Variants in TMEM266 observed in about 807,000 individuals in gnomAD.
TMEM266 encodes the protein Hv1 related protein 1.
Under a neutral mutation model 50.5 loss-of-function variants are expected in TMEM266, and 33 were observed. The observed-to-expected ratio is 0.65, with a 90% CI of 0.50 to 0.87. TMEM266 has a LOEUF of 0.87. TMEM266 is among the 40% of genes least tolerant of loss of function. The pLI, the probability that TMEM266 is intolerant of heterozygous loss-of-function variation, is 0.00. For synonymous variants in TMEM266, 310 were observed against 292.3 expected (o/e 1.06, Z -0.62); for missense variants, 655 against 695.1 (o/e 0.94, Z 0.65).
chr15:76,071,560 T>C (rs1419205349), intron 1 of TMEM266, among the ~76,000 whole-genome samples: 1 of 152,204 alleles, frequency 6.6e-6, no homozygotes, highest in East Asian at 1.9e-4. Context: ...TCACACCCTA[T>C]GGAGATTCTC....
At position 76,064,218 on chromosome 15, in the gene TMEM266, G is replaced by A. The variant is rs190375552; in HGVS notation, c.-97+4202G>A. On this transcript the variant is annotated intron_variant, in intron 1 of 10. Coordinates refer to ENST00000388942, the MANE Select transcript of TMEM266 (RefSeq NM_152335.3). ...TTTTTACACAGACAGGTGAATCCTT[G>A]CACTGCCTGCATTATTAGCCTGTTG... Among the ~76,000 whole-genome samples the A allele has an allele frequency of 1.4e-4, 22 of 152,262 alleles. 1 individual carries two copies. The highest frequency in any genetic ancestry group is 1.3e-3 in the Admixed American group (20 of 15,294).
chr15:76,069,437 C>G (rs1231543960), intron 1 of TMEM266, among the ~76,000 whole-genome samples: 2 of 152,126 alleles, frequency 1.3e-5, no homozygotes, highest in African/African-American at 4.8e-5. Flanking sequence ...GAGGAATGTT[C>G]CTCTTAAAGA....
At chr15:76,106,796 C>A (rs1039136251) in intron 1 of TMEM266, among the ~76,000 whole-genome samples, 24 of 152,178 alleles carry the variant, frequency 1.6e-4, no homozygotes, top group Admixed American at 1.6e-3. Context: ...CTAGATCAAG[C>A]TAATTATCAT....
intron 7 of TMEM266, 74 bp downstream of exon 7, chr15:76,171,205 G>A (rs1283629374): frequency 5.7e-5 from 90 of 1,566,012 alleles, no homozygotes; most frequent in Middle Eastern, 1.7e-4. Context: ...AGGAGATGCC[G>A]TGTGATGGGG....
chr15:76,203,672 C>G (rs760434972), intron 10 of TMEM266, 69 bp from the exon 11 acceptor site: 4 of 1,477,110 alleles, frequency 2.7e-6, no homozygotes, highest in African/African-American at 2.8e-5. Flanking sequence ...CGGCTCAGAC[C>G]TGCTCTCTTC....
intron 1 of TMEM266, among the ~76,000 whole-genome samples, chr15:76,130,392 T>A (rs1300133471): frequency 2.0e-5 from 3 of 149,372 alleles, no homozygotes; most frequent in East Asian, 4.1e-4. Context: ...ATAAAAAAAA[T>A]TAGCTGGGCA....
At chr15:76,108,879 C>T (rs567943198) in intron 1 of TMEM266, among the ~76,000 whole-genome samples, 25 of 152,254 alleles carry the variant, frequency 1.6e-4, no homozygotes, top group Admixed American at 5.9e-4. Context: ...TACAAGTCTC[C>T]TAAGTAATAA....
intron 1 of TMEM266, among the ~76,000 whole-genome samples, chr15:76,089,545 G>A (rs1223697121): frequency 6.6e-6 from 1 of 152,112 alleles, no homozygotes; most frequent in African/African-American, 2.4e-5. Context: ...AGGGTGAGAG[G>A]GAAGGCTGGA....
At chr15:76,172,980 C>T (rs1420823156) in intron 7 of TMEM266, among the ~76,000 whole-genome samples, 6 of 152,192 alleles carry the variant, frequency 3.9e-5, no homozygotes, top group Admixed American at 6.5e-5. Flanking sequence ...CCAGCTGTCC[C>T]GCCCTTTTCC....
intron 2 of TMEM266, among the ~76,000 whole-genome samples, chr15:76,135,739 C>T (rs1191018904): frequency 6.6e-6 from 1 of 152,066 alleles, no homozygotes; most frequent in African/African-American, 2.4e-5. Flanking sequence ...CTGTGCTTGA[C>T]AGGTAGCAAA....
chr15:76,180,607 C>CCTT (rs772297807), intron 8 of TMEM266, among the ~76,000 whole-genome samples: 49 of 63,174 alleles, frequency 7.8e-4, no homozygotes, highest in South Asian at 2.7e-3. Context: ...TCATCTTAAG[C>CCTT]TTTTTTTTTT....
intron 1 of TMEM266, among the ~76,000 whole-genome samples, chr15:76,090,169 T>C (rs1258224401): frequency 2.0e-5 from 3 of 152,042 alleles, no homozygotes; most frequent in Non-Finnish European, 4.4e-5. Context: ...TGGGTAGAGA[T>C]GGGACATCAG....
chr15:76,172,351 C>T (rs2038199341), intron 7 of TMEM266, among the ~76,000 whole-genome samples: 1 of 152,214 alleles, frequency 6.6e-6, no homozygotes, highest in Admixed American at 6.5e-5. Context: ...CCTTCTGGAG[C>T]ACGGTTTTAA....
Position 76,154,908 on chromosome 15 carries a change from A to G in TMEM266, c.228-1696A>G, listed in dbSNP as rs2037901741. Among the ~76,000 whole-genome samples the G allele has an allele frequency of 2.0e-5, 3 of 152,224 alleles. No homozygotes were observed. In the South Asian group the frequency reaches 6.2e-4, roughly 31 times the overall value. On this transcript the variant is annotated intron_variant, in intron 3 of 10. Coordinates refer to ENST00000388942, the MANE Select transcript of TMEM266 (RefSeq NM_152335.3). ...TGTGAGGAAGAAGTCTCCTTGAAGCATTCACATTATTCCTTCCGAGAGAAG... is the reference window on the plus strand; with the variant it reads ...TGTGAGGAAGAAGTCTCCTTGAAGCGTTCACATTATTCCTTCCGAGAGAAG...
At position 76,168,119 on chromosome 15, in the gene TMEM266, A is replaced by T. The variant is rs1378550116; in HGVS notation, c.457-1697A>T. 6.6e-6 allele frequency among the ~76,000 whole-genome samples: 1 copy of T among 152,142 alleles called. No individual in the cohort carries two copies. The highest frequency in any genetic ancestry group is 1.5e-5 in the Non-Finnish European group (1 of 68,042). On this transcript the variant is annotated intron_variant, in intron 5 of 10. Transcript: ENST00000388942. The surrounding 1 kb of genome is among the most constrained non-coding windows in gnomAD (Gnocchi z 4.4). ...AGGCCACACAACCAGCCCATTATTG[A>T]GCTCTGATCTCAAGACATTGTGGCC...
chr15:76,126,374 CATATATATATAT>C (rs61446223), intron 1 of TMEM266, among the ~76,000 whole-genome samples: 17 of 137,768 alleles, frequency 1.2e-4, no homozygotes, highest in South Asian at 2.3e-4. Context: ...CACCCACAGA[CATATATATATAT>C]ATATATATAT....
At chr15:76,192,296 A>C in intron 9 of TMEM266, 139 bp downstream of exon 9, 1 of 796,194 alleles carries the variant, frequency 1.3e-6, no homozygotes. Context: ...TGATTGGGGG[A>C]CACGCTCAGA....
intron 4 of TMEM266, 133 bp from the exon 5 acceptor site, chr15:76,159,962 A>G (rs2037991534): frequency 3.6e-6 from 3 of 826,788 alleles, no homozygotes; most frequent in Non-Finnish European, 5.9e-6. Context: ...CTCTGACCCA[A>G]TTTCCACCAG....
intron 1 of TMEM266, among the ~76,000 whole-genome samples, chr15:76,076,650 C>T (rs1280958444): frequency 6.6e-6 from 1 of 152,032 alleles, no homozygotes; most frequent in African/African-American, 2.4e-5. Flanking sequence ...AAGAAGACCT[C>T]ATAGTTAGGC....
Sources: gnomAD v4.1 joint callset for allele counts (sites outside exome capture counted in the v4.1 genomes callset) on GRCh38, gnomAD v4.1.1 for gene constraint, Gnocchi (gnomAD v3.1) non-coding constraint, MANE v1.5 for transcripts, NCBI Gene and HGNC (gene_info 2026-07-23, HGNC 2026-07-21) for gene names.